CTNNA2: variants seen among roughly 807,000 people sequenced by gnomAD.
CTNNA2 encodes the protein catenin alpha-2.
Under a neutral mutation model 101.0 loss-of-function variants are expected in CTNNA2, and 42 were observed. The observed-to-expected ratio is 0.42, with a 90% CI of 0.32 to 0.54. The LOEUF (loss-of-function observed/expected upper bound fraction) is 0.54. CTNNA2 is among the 20% of genes least tolerant of loss of function. The pLI is 0.14. For synonymous variants in CTNNA2, 450 were observed against 456.4 expected, an observed-to-expected ratio of 0.99 and a Z score of 0.18; for missense variants, 871 against 1,223.1, an observed-to-expected ratio of 0.71 and a Z score of 4.29.
At chr2:80,216,594 A>G (rs1346761139) in intron 7 of CTNNA2, among the ~76,000 whole-genome samples, 1 of 152,086 alleles carries the variant, frequency 6.6e-6, no homozygotes, top group Non-Finnish European at 1.5e-5. Flanking sequence ...TCTTTTTACC[A>G]TGTGAGGATA....
intron 7 of CTNNA2, among the ~76,000 whole-genome samples, chr2:79,976,945 T>C (rs1574453678): frequency 6.6e-6 from 1 of 152,166 alleles, no homozygotes; most frequent in African/African-American, 2.4e-5. Flanking sequence ...TTCTTAAATA[T>C]GAGACTTGTT....
chr2:79,625,089 G>A (rs1679222820), intron 1 of CTNNA2, among the ~76,000 whole-genome samples: 1 of 151,772 alleles, frequency 6.6e-6, no homozygotes, highest in African/African-American at 2.4e-5. Context: ...GCAAATTGAT[G>A]TATTTGGGGA....
At chr2:80,419,254 A>G (rs1680302480) in intron 8 of CTNNA2, among the ~76,000 whole-genome samples, 195 bp from the exon 9 acceptor site, 1 of 152,224 alleles carries the variant, frequency 6.6e-6, no homozygotes, top group African/African-American at 2.4e-5. Context: ...AAGTTGACAT[A>G]TAATATGTTT....
At chr2:80,200,652 T>C (rs929343649) in intron 7 of CTNNA2, among the ~76,000 whole-genome samples, 9 of 151,882 alleles carry the variant, frequency 5.9e-5, no homozygotes, top group Admixed American at 1.3e-4. Flanking sequence ...TCTCCTGCCT[T>C]AGCCTCCTGA....
At chr2:79,533,365 G>C (rs1672859826) in intron 1 of CTNNA2, among the ~76,000 whole-genome samples, 2 of 152,062 alleles carry the variant, frequency 1.3e-5, no homozygotes, top group Non-Finnish European at 2.9e-5. Flanking sequence ...CAGGTATTCA[G>C]TAAACTTATT....
chr2:79,982,378 A>C lies in CTNNA2; in HGVS notation c.1056+72581A>C, dbSNP rs1203617002. On this transcript the variant is annotated intron_variant, in intron 7 of 18. Coordinates refer to ENST00000402739, the MANE Select transcript of CTNNA2 (RefSeq NM_001282597.3). ...ATAACCTATATAACATATATATAAC[A>C]TATATAACATATATAACATATATAA... 1.3e-4 allele frequency among the ~76,000 whole-genome samples: 14 copies of C among 110,880 alleles called. No individual in the cohort carries two copies. In the East Asian group the frequency reaches 2.9e-3, roughly 23 times the overall value. 72.7% of individuals were successfully genotyped at this position (110,880 alleles called of 152,430 possible). A position where few individuals can be genotyped will look rare whatever the true frequency, so the allele number is the denominator to read the frequency against.
Position 80,276,798 on chromosome 2 carries a change from C to T in CTNNA2, c.1057-116413C>T, listed in dbSNP as rs1369335420. ...TGGCACCAACCCATTCATAAGGGAT[C>T]CACCCCCATGACCCAAACACCCCCA... is the stretch of plus-strand genomic sequence containing the variant. On this transcript the variant is annotated intron_variant, in intron 7 of 18. Transcript: ENST00000402739. 2.0e-5 allele frequency among the ~76,000 whole-genome samples: 3 copies of T among 152,070 alleles called. No individual in the cohort carries two copies. In the East Asian group the frequency reaches 5.8e-4, roughly 29 times the overall value.
At chr2:80,638,545 CA>C (rs544655377) in intron 18 of CTNNA2, among the ~76,000 whole-genome samples, 94 of 152,238 alleles carry the variant, frequency 6.2e-4, no homozygotes, top group South Asian at 5.4e-3. Context: ...CCGAACTTTC[CA>C]AGGGCCAACC....
At chr2:80,196,414 G>A (rs530569017) in intron 7 of CTNNA2, among the ~76,000 whole-genome samples, 3 of 152,176 alleles carry the variant, frequency 2.0e-5, no homozygotes, top group African/African-American at 7.2e-5. Flanking sequence ...AACTTTCAGC[G>A]TCCATGTCCT....
chr2:80,354,064 T>C (rs1673556292), intron 7 of CTNNA2, among the ~76,000 whole-genome samples: 1 of 152,138 alleles, frequency 6.6e-6, no homozygotes, highest in Non-Finnish European at 1.5e-5. Flanking sequence ...CCTGAGAATT[T>C]GGTTAAAGCA....
chr2:80,629,901 A>C (rs1007151272), intron 18 of CTNNA2, among the ~76,000 whole-genome samples: 3 of 152,142 alleles, frequency 2.0e-5, no homozygotes, highest in Non-Finnish European at 2.9e-5. Flanking sequence ...CCTAGGATAA[A>C]CATACTGCTT....
chr2:79,317,829 A>C (rs1444848250), intron 3 of CTNNA2, among the ~76,000 whole-genome samples: 1 of 152,092 alleles, frequency 6.6e-6, no homozygotes, highest in Non-Finnish European at 1.5e-5. Context: ...TAATATAGTA[A>C]GTATTGAAAA....
intron 2 of CTNNA2, among the ~76,000 whole-genome samples, chr2:79,265,254 G>A (rs1455726213): frequency 6.6e-6 from 1 of 152,172 alleles, no homozygotes; most frequent in Non-Finnish European, 1.5e-5. Context: ...ATATTTCATA[G>A]ATCTGAGTCA....
At chr2:79,727,684 G>A (rs983485548) in intron 2 of CTNNA2, among the ~76,000 whole-genome samples, 4 of 149,516 alleles carry the variant, frequency 2.7e-5, no homozygotes, top group Non-Finnish European at 5.9e-5. Flanking sequence ...CCATTAACTC[G>A]TCATTTAGCA....
intron 8 of CTNNA2, among the ~76,000 whole-genome samples, chr2:80,408,262 G>A (rs1200658039): frequency 1.3e-5 from 2 of 152,138 alleles, no homozygotes; most frequent in Non-Finnish European, 2.9e-5. Context: ...ACATGTGGAA[G>A]TACAGGCCAG....
chr2:79,250,437 G>A (rs1357176436), intron 2 of CTNNA2, among the ~76,000 whole-genome samples: 1 of 152,088 alleles, frequency 6.6e-6, no homozygotes, highest in African/African-American at 2.4e-5. Flanking sequence ...TACTTGGAAA[G>A]GGTTGTATCA....
chr2:80,313,498 G>A, intron 7 of CTNNA2: 2 of 1,574,726 alleles, frequency 1.3e-6, no homozygotes, highest in South Asian at 1.2e-5. Context: ...AAGAGCTGTG[G>A]TTGAAGAGAT....
intron 12 of CTNNA2, among the ~76,000 whole-genome samples, chr2:80,557,099 T>C (rs1156708076): frequency 1.3e-5 from 2 of 152,182 alleles, no homozygotes; most frequent in Non-Finnish European, 2.9e-5. Flanking sequence ...CTCTTTAAAA[T>C]ATAAGCAGAA....
At chr2:80,174,392 C>T (rs1485493099) in intron 7 of CTNNA2, among the ~76,000 whole-genome samples, 1 of 152,172 alleles carries the variant, frequency 6.6e-6, no homozygotes. Flanking sequence ...GTGCCAGGCA[C>T]TCACCCTGAC....
Sources: allele counts gnomAD v4.1 joint callset (sites outside exome capture counted in the v4.1 genomes callset), GRCh38; gene constraint gnomAD v4.1.1; transcripts MANE v1.5; gene names NCBI Gene and HGNC (gene_info 2026-07-23, HGNC 2026-07-21).